The following YBX1 variants were observed in gnomAD, a reference collection of about 807,000 sequenced individuals.
YBX1 encodes the protein Y-box-binding protein 1.
Under a neutral mutation model 41.4 loss-of-function variants are expected in YBX1, and 3 were observed. That is an observed-to-expected ratio of 0.07 (90% CI 0.03 to 0.19). The LOEUF is 0.19. Among genes scored for constraint, YBX1 ranks in the 10% least tolerant of loss-of-function variants. The probability of loss-of-function intolerance (pLI) is 1.00; values close to 1 mark genes in which losing one functional copy is unlikely to be tolerated. For synonymous variants in YBX1, 133 were observed against 165.8 expected, an observed-to-expected ratio of 0.80 and a Z score of 1.52; for missense variants, 274 against 462.8, an observed-to-expected ratio of 0.59 and a Z score of 3.74.
chr1:42,699,155 G>C (rs1344202509), intron 6 of YBX1, among the ~76,000 whole-genome samples: 2 of 152,180 alleles, frequency 1.3e-5, no homozygotes. Context: ...CTTTCTCAGA[G>C]AGGGTAGGGT....
At chr1:42,701,621 GTTTA>G (rs1419995650) in intron 7 of YBX1, among the ~76,000 whole-genome samples, 1 of 151,922 alleles carries the variant, frequency 6.6e-6, no homozygotes, top group African/African-American at 2.4e-5. Context: ...GTTTATCATG[GTTTA>G]TTTAAACTGC....
At position 42,696,093 on chromosome 1, in the gene YBX1, C is replaced by A; in HGVS notation, c.265-106C>A. The A allele has an allele frequency of 1.0e-6, 1 of 972,136 alleles. No individual in the cohort carries two copies. The allele number at this position is 972,136 out of a possible 1,614,324, so 60.2% of individuals were successfully genotyped here. A position where few individuals can be genotyped will look rare whatever the true frequency, so the allele number is the denominator to read the frequency against. On this transcript the variant is annotated intron_variant, in intron 3 of 7. Transcript: ENST00000321358. This position sits in a 1 kb window ranked among gnomAD's most constrained non-coding sequence, Gnocchi z 5.7. ...TGGTTTGGTCTTATTTAAAGCAAAT[C>A]TTAAGTGTATATCCAAGCTAAAATA...
At chr1:42,685,347 G>A (rs1032544651) in intron 2 of YBX1, among the ~76,000 whole-genome samples, 2 of 152,134 alleles carry the variant, frequency 1.3e-5, no homozygotes, top group African/African-American at 4.8e-5. Flanking sequence ...CCTTTGTTTG[G>A]ACTATCCTAA....
Position 42,701,990 on chromosome 1 carries a change from C to T in YBX1, c.*41C>T, listed in dbSNP as rs1650613299. 3 of 156,028 alleles carry T rather than the reference C, an allele frequency of 1.9e-5. No homozygotes were observed. In the South Asian group the frequency reaches 6.2e-4, roughly 32 times the overall value. The allele number at this position is 156,028 out of a possible 1,614,324, so 9.7% of individuals were successfully genotyped here. On this transcript the variant is annotated 3_prime_UTR_variant, in exon 8 of 8. Coordinates refer to ENST00000321358, the MANE Select transcript of YBX1 (RefSeq NM_004559.5). ...ATTTTTTTCTTTACAGTTTAGTCAT[C>T]CAACAAGAAGAAATATGAAATTCCA...
intron 1 of YBX1, 77 bp downstream of exon 1, chr1:42,682,808 C>A: frequency 9.8e-7 from 1 of 1,025,566 alleles, no homozygotes; most frequent in Non-Finnish European, 1.2e-6. Context: ...CTGGGCGAGC[C>A]GGCGGGCGCG....
Position 42,682,880 on chromosome 1 carries a change from C to G in YBX1, c.166+149C>G, listed in dbSNP as rs1333783322. ...CCATCCCCCCCGTCCCCCCCTCACTCCCTCTCGCGGGGACCCGCCCGGCAG... is the reference window on the plus strand; with the variant it reads ...CCATCCCCCCCGTCCCCCCCTCACTGCCTCTCGCGGGGACCCGCCCGGCAG... On this transcript the variant is annotated intron_variant, in intron 1 of 7. Coordinates refer to ENST00000321358, the MANE Select transcript of YBX1 (RefSeq NM_004559.5). 2.8e-5 allele frequency: 9 copies of G among 326,474 alleles called. No individual in the cohort carries two copies. In the South Asian group the frequency reaches 5.7e-4, roughly 21 times the overall value. 20.2% of individuals were successfully genotyped at this position (326,474 alleles called of 1,614,324 possible).
Position 42,696,764 on chromosome 1 carries a change from G to C in YBX1, c.477G>C (p.Gln159His). The C allele has an allele frequency of 6.2e-7, 1 of 1,613,804 alleles. No individual in the cohort carries two copies. Among genetic ancestry groups the C allele is most frequent in the Non-Finnish European group, 8.5e-7 (1 of 1,179,848 alleles). Residue 159 changes from glutamine to histidine, a missense_variant, in exon 5 of 8, where the codon CAG (glutamine) becomes CAC (histidine). Physicochemically the swap from Gln to His is conservative, Grantham distance 24. Around this residue, in one of 3 missense-constraint regions of YBX1, gnomAD observed 187 missense variants for 306.3 expected, o/e 0.61. Coordinates refer to ENST00000321358, the MANE Select transcript of YBX1 (RefSeq NM_004559.5). The surrounding 1 kb of genome is among the most constrained non-coding windows in gnomAD (Gnocchi z 5.7). ...PRRRGPPRNY[Q>H]QNYQNSESGE... is the part of the protein sequence containing the mutation. ...GTAGGGGTCCTCCACGCAATTACCA[G>C]CAAAATTACCAGAATAGTGAGAGTG...
At chr1:42,689,295 T>C (rs146841269) in intron 2 of YBX1, among the ~76,000 whole-genome samples, 21 of 152,324 alleles carry the variant, frequency 1.4e-4, no homozygotes, top group African/African-American at 4.8e-4. Flanking sequence ...CTTACAGTCA[T>C]CTACAAGGCT....
chr1:42,683,278 T>G (rs1570412877), intron 1 of YBX1, 125 bp from the exon 2 acceptor site: 6 of 1,114,118 alleles, frequency 5.4e-6, no homozygotes, highest in Non-Finnish European at 8.2e-6. Context: ...ACCCGGGCGG[T>G]GGAGAGAAAG....
intron 2 of YBX1, among the ~76,000 whole-genome samples, chr1:42,684,449 A>G (rs1008076496): frequency 2.6e-5 from 4 of 152,246 alleles, no homozygotes; most frequent in Non-Finnish European, 4.4e-5. Context: ...TGCTTACTGT[A>G]GAAGACCTAA....
chr1:42,690,769 G>A (rs1650310395), intron 2 of YBX1, among the ~76,000 whole-genome samples: 1 of 152,134 alleles, frequency 6.6e-6, no homozygotes, highest in Non-Finnish European at 1.5e-5. Flanking sequence ...ATTTAGACTG[G>A]AAATTCTAAC....
Position 42,701,002 on chromosome 1 carries a change from G to T in YBX1, c.962G>T (p.Gly321Val), listed in dbSNP as rs1219358063. ...ENSSAPEAEQ[G>V]GAE ...TCGTCCGCTCCCGAGGCTGAGCAGG[G>T]CGGGGCTGAGTAAATGCCGGCTTAC... The change falls in exon 7 of 8, where the codon GGC becomes GTC. Residue 321 changes from glycine to valine, a missense_variant. Transcript: ENST00000321358. 6.2e-7 allele frequency: 1 copy of T among 1,614,012 alleles called. No homozygotes were observed. Among genetic ancestry groups the T allele is most frequent in the African/African-American group, 1.3e-5 (1 of 74,904 alleles).
chr1:42,701,862 G>A (rs1272152602), intron 7 of YBX1, 119 bp from the exon 8 acceptor site: 1 of 152,534 alleles, frequency 6.6e-6, no homozygotes, highest in African/African-American at 2.4e-5. Flanking sequence ...CTATTTGCTG[G>A]ATGGCAAGAG....
At chr1:42,695,392 G>A (rs1282494213) in intron 3 of YBX1, among the ~76,000 whole-genome samples, 7 of 152,098 alleles carry the variant, frequency 4.6e-5, no homozygotes, top group Middle Eastern at 3.2e-3. Flanking sequence ...TGTGACCTTG[G>A]GCAAGTCACC....
chr1:42,691,287 T>C (rs1464227469), intron 2 of YBX1, among the ~76,000 whole-genome samples: 2 of 152,210 alleles, frequency 1.3e-5, no homozygotes, highest in Non-Finnish European at 2.9e-5. Flanking sequence ...TTCACATATC[T>C]ATCTATGTAC....
Position 42,700,785 on chromosome 1 carries a change from C to T in YBX1, c.745C>T (p.Pro249Ser), listed in dbSNP as rs968293756. 1.2e-6 allele frequency: 2 copies of T among 1,610,286 alleles called. No individual in the cohort carries two copies. The highest frequency in any genetic ancestry group is 1.7e-6 in the Non-Finnish European group (2 of 1,179,046). The change falls in exon 7 of 8, where the codon CCT (proline) becomes TCT (serine). Residue 249 changes from proline to serine, a missense_variant. By Grantham distance (74) the Pro-to-Ser change is moderately conservative (BLOSUM62 -1). Around this residue, in one of 3 missense-constraint regions of YBX1, gnomAD observed 187 missense variants for 306.3 expected, o/e 0.61. Transcript: ENST00000321358. ...GTTTGACACCGTTCATTGCAGGGGC[C>T]CTCCTCGCCAAAGACAGCCTAGAGA... The part of the protein sequence containing the change: ...RGYRPRFRRG[P>S]PRQRQPREDG...
chr1:42,693,014 C>T (rs1650377152), intron 2 of YBX1, among the ~76,000 whole-genome samples: 1 of 152,128 alleles, frequency 6.6e-6, no homozygotes, highest in Non-Finnish European at 1.5e-5. Context: ...CATTAGGTTT[C>T]ACTCTTTGCG....
chr1:42,697,358 T>A lies in YBX1; in HGVS notation c.740+96T>A, dbSNP rs1650487547. 2.5e-6 allele frequency: 3 copies of A among 1,209,060 alleles called. No homozygotes were observed. The Admixed American group carries it at 7.5e-5, about 30-fold the overall frequency. 74.9% of individuals were successfully genotyped at this position (1,209,060 alleles called of 1,614,324 possible). ...CTCTCCTGCAGACTCATTTTTCTGTTAACACTTCACGTTTTCTTTCATCAG... is the reference window on the plus strand; with the variant it reads ...CTCTCCTGCAGACTCATTTTTCTGTAAACACTTCACGTTTTCTTTCATCAG... On this transcript the variant is annotated intron_variant, in intron 6 of 7. Transcript: ENST00000321358.
At chr1:42,683,518 C>T in intron 2 of YBX1, 52 bp downstream of exon 2, 2 of 1,605,020 alleles carry the variant, frequency 1.2e-6, no homozygotes, top group Non-Finnish European at 1.7e-6. Context: ...TTGCTTCCTG[C>T]TCTGTCGGCT....
Sources: allele counts gnomAD v4.1 joint callset (sites outside exome capture counted in the v4.1 genomes callset), GRCh38; gene constraint gnomAD v4.1.1; regional missense constraint gnomAD v4.1.1; non-coding constraint Gnocchi (gnomAD v3.1); transcripts MANE v1.5; gene names NCBI Gene and HGNC (gene_info 2026-07-23, HGNC 2026-07-21).